RALGAPA1: variants seen among roughly 807,000 people sequenced by gnomAD.
RALGAPA1 encodes Ral GTPase activating protein catalytic subunit alpha 1.
RALGAPA1 carries 52 observed loss-of-function variants against 269.6 expected under a neutral mutation model. That is an observed-to-expected ratio of 0.19 (90% CI 0.15 to 0.24). RALGAPA1 has a LOEUF of 0.24. Ranked by LOEUF, RALGAPA1 falls within the 10% of genes least tolerant of loss-of-function variation. RALGAPA1 has a pLI of 1.00. For synonymous variants in RALGAPA1, 817 were observed against 1,008.3 expected, an observed-to-expected ratio of 0.81 and a Z score of 3.60; for missense variants, 1,917 against 3,013.9, an observed-to-expected ratio of 0.64 and a Z score of 8.52.
chr14:35,561,327 C>A (rs181875359), intron 39 of RALGAPA1, among the ~76,000 whole-genome samples: 84 of 146,724 alleles, frequency 5.7e-4, no homozygotes, highest in Non-Finnish European at 6.3e-4. Context: ...CTGACATAAT[C>A]AAAAATATAC....
chr14:35,608,725 C>T (rs1055431210), intron 35 of RALGAPA1, among the ~76,000 whole-genome samples: 1 of 152,128 alleles, frequency 6.6e-6, no homozygotes, highest in Non-Finnish European at 1.5e-5. Flanking sequence ...AAGGCAGAAA[C>T]AGACATTTCC....
At chr14:35,790,557 G>A (rs554221774) in intron 1 of RALGAPA1, among the ~76,000 whole-genome samples, 2 of 151,890 alleles carry the variant, frequency 1.3e-5, no homozygotes, top group African/African-American at 4.8e-5. Context: ...GTGTGCTAGC[G>A]GGTGCCTGTA....
intron 35 of RALGAPA1, among the ~76,000 whole-genome samples, chr14:35,609,216 C>A (rs12587198): frequency 2.7e-5 from 4 of 149,592 alleles, no homozygotes; most frequent in African/African-American, 9.8e-5. Flanking sequence ...GACAGAGCGA[C>A]ACTCCGTCTC....
intron 41 of RALGAPA1, chr14:35,542,107 T>C: frequency 2.0e-5 from 16 of 782,084 alleles, no homozygotes; most frequent in Non-Finnish European, 2.6e-5. Context: ...ATCTACCTTT[T>C]AAAGTGTTCA....
At chr14:35,676,555 T>C (rs1252271673) in intron 22 of RALGAPA1, 1 of 152,202 alleles carries the variant, frequency 6.6e-6, no homozygotes, top group Non-Finnish European at 1.5e-5. Context: ...GGGGTAGCTA[T>C]AAAGGGCATT....
intron 1 of RALGAPA1, among the ~76,000 whole-genome samples, chr14:35,784,984 A>C (rs2075698807): frequency 6.6e-6 from 1 of 152,138 alleles, no homozygotes; most frequent in Non-Finnish European, 1.5e-5. Context: ...GGGGTTTGAA[A>C]TTAGCCTGCC....
intron 22 of RALGAPA1, among the ~76,000 whole-genome samples, chr14:35,674,924 C>CA (rs1477950072): frequency 6.6e-6 from 1 of 152,002 alleles, no homozygotes; most frequent in Non-Finnish European, 1.5e-5. Context: ...ACTAGCTATT[C>CA]AATAGTGATT....
chr14:35,789,105 C>CA (rs2075985427), intron 1 of RALGAPA1, among the ~76,000 whole-genome samples: 1 of 152,022 alleles, frequency 6.6e-6, no homozygotes, highest in South Asian at 2.1e-4. Context: ...GCTCAGTGTA[C>CA]AAAAAACTCC....
At chr14:35,757,104 A>AT (rs1359413870) in intron 6 of RALGAPA1, among the ~76,000 whole-genome samples, 196 bp from the exon 7 acceptor site, 128 of 133,176 alleles carry the variant, frequency 9.6e-4, no homozygotes, top group Non-Finnish European at 1.7e-3. Context: ...TTATTTATTT[A>AT]TTATTATTAT....
intron 36 of RALGAPA1, among the ~76,000 whole-genome samples, chr14:35,604,578 T>C (rs2059476386): frequency 6.6e-6 from 1 of 151,958 alleles, no homozygotes; most frequent in African/African-American, 2.4e-5. Flanking sequence ...CTCTAGAAGC[T>C]TATAGTCTAA....
chr14:35,740,864 T>C (rs983082361), intron 11 of RALGAPA1, among the ~76,000 whole-genome samples: 1 of 152,182 alleles, frequency 6.6e-6, no homozygotes, highest in South Asian at 2.1e-4. Context: ...TCTGAATTTA[T>C]AACATAATTC....
chr14:35,807,749 T>A (rs957692333), intron 1 of RALGAPA1: 13 of 152,332 alleles, frequency 8.5e-5, no homozygotes, highest in Admixed American at 2.6e-4. Context: ...GAGAAACATG[T>A]ACCTCAAATA....
At chr14:35,730,485 G>A (rs2070374739) in intron 12 of RALGAPA1, among the ~76,000 whole-genome samples, 1 of 139,298 alleles carries the variant, frequency 7.2e-6, no homozygotes, top group African/African-American at 2.5e-5. Flanking sequence ...GGTAGCCCAG[G>A]GAAAGTTCTC....
At chr14:35,643,400 G>A (rs1237212145) in intron 31 of RALGAPA1, among the ~76,000 whole-genome samples, 1 of 152,178 alleles carries the variant, frequency 6.6e-6, no homozygotes, top group Non-Finnish European at 1.5e-5. Context: ...TGGCGAGGAT[G>A]TGGAGAAAAG....
chr14:35,559,555 C>G (rs2055968610), intron 39 of RALGAPA1, among the ~76,000 whole-genome samples: 1 of 152,038 alleles, frequency 6.6e-6, no homozygotes, highest in African/African-American at 2.4e-5. Flanking sequence ...TAGAAGCAAA[C>G]TTCAAGTTTC....
intron 33 of RALGAPA1, among the ~76,000 whole-genome samples, chr14:35,632,203 A>T (rs2061399638): frequency 6.6e-6 from 1 of 152,206 alleles, no homozygotes; most frequent in Non-Finnish European, 1.5e-5. Context: ...ACTATAGAAC[A>T]TACATATCTC....
At chr14:35,805,383 A>G (rs1027244466) in intron 1 of RALGAPA1, among the ~76,000 whole-genome samples, 4 of 150,144 alleles carry the variant, frequency 2.7e-5, no homozygotes, top group African/African-American at 7.4e-5. Flanking sequence ...CGGAGGTTGC[A>G]GTGAGCCGAG....
At chr14:35,583,952 G>A (rs2058111712) in intron 37 of RALGAPA1, among the ~76,000 whole-genome samples, 1 of 152,088 alleles carries the variant, frequency 6.6e-6, no homozygotes, top group South Asian at 2.1e-4. Context: ...TTCAAGAAAT[G>A]TTAAAACAAG....
intron 41 of RALGAPA1, chr14:35,541,673 G>C (rs1047465223): frequency 2.2e-6 from 1 of 455,390 alleles, no homozygotes; most frequent in African/African-American, 2.0e-5. Flanking sequence ...AGCAGTAGTA[G>C]CTCATGCTTT....
Sources: allele counts gnomAD v4.1 joint callset (sites outside exome capture counted in the v4.1 genomes callset), GRCh38; gene constraint gnomAD v4.1.1; transcripts MANE v1.5; gene names NCBI Gene and HGNC (gene_info 2026-07-23, HGNC 2026-07-21).